The following ITIH5 variants were observed in gnomAD, a reference collection of about 807,000 sequenced individuals.
The protein encoded by ITIH5 is inter-alpha-trypsin inhibitor heavy chain H5.
In ITIH5, 65 loss-of-function variants were observed where a neutral mutation model predicts 77.5. The ratio of observed to expected loss-of-function variants is 0.84; its 90% CI spans 0.69 to 1.03. The LOEUF is 1.03. Ranked by LOEUF, ITIH5 falls within the 50% of genes least tolerant of loss-of-function variation. The probability of loss-of-function intolerance (pLI) is 0.00; values close to 1 mark genes in which losing one functional copy is unlikely to be tolerated. For synonymous variants in ITIH5, 525 were observed against 494.3 expected (o/e 1.06, Z -0.82); for missense variants, 1,208 against 1,213.1 (o/e 1.00, Z 0.06).
intron 7 of ITIH5, among the ~76,000 whole-genome samples, chr10:7,615,389 C>T (rs915652612): frequency 6.6e-6 from 1 of 152,108 alleles, no homozygotes; most frequent in Non-Finnish European, 1.5e-5. Flanking sequence ...TGAAATGTAT[C>T]GTATATGAAA....
intron 9 of ITIH5, among the ~76,000 whole-genome samples, chr10:7,577,661 G>A (rs974375673): frequency 2.0e-5 from 3 of 152,220 alleles, no homozygotes; most frequent in Non-Finnish European, 4.4e-5. Flanking sequence ...TAAGTTGCAT[G>A]GTCGCTTCTT....
intron 5 of ITIH5, among the ~76,000 whole-genome samples, chr10:7,636,548 C>G (rs371553347): frequency 3.9e-5 from 6 of 152,080 alleles, no homozygotes; most frequent in African/African-American, 1.4e-4. Context: ...GTTTTATAAT[C>G]GTAATTTACT....
chr10:7,665,963 G>A (rs183352596), intron 1 of ITIH5, among the ~76,000 whole-genome samples: 1 of 152,122 alleles, frequency 6.6e-6, no homozygotes, highest in African/African-American at 2.4e-5. Context: ...TTCAAAACAG[G>A]GGCTGGAAAA....
At chr10:7,657,068 G>A (rs538565320) in intron 1 of ITIH5, among the ~76,000 whole-genome samples, 35 of 94,724 alleles carry the variant, frequency 3.7e-4, no homozygotes, top group African/African-American at 1.5e-3. Context: ...TTTTTTAGAC[G>A]GAGTCTTGTT....
At chr10:7,582,256 G>A (rs951027819) in intron 8 of ITIH5, among the ~76,000 whole-genome samples, 1 of 152,108 alleles carries the variant, frequency 6.6e-6, no homozygotes, top group Non-Finnish European at 1.5e-5. Flanking sequence ...AAATAAAGTT[G>A]GGGCCTGTGT....
chr10:7,567,701 C>T (rs1175626108), intron 12 of ITIH5, among the ~76,000 whole-genome samples: 1 of 152,030 alleles, frequency 6.6e-6, no homozygotes, highest in Non-Finnish European at 1.5e-5. Flanking sequence ...TCCAAAAACT[C>T]AAGTTCTTCC....
chr10:7,599,553 G>A (rs1832974399), intron 7 of ITIH5, among the ~76,000 whole-genome samples: 1 of 152,096 alleles, frequency 6.6e-6, no homozygotes, highest in Non-Finnish European at 1.5e-5. Context: ...AGGTGTTTTG[G>A]TGTCGGACTC....
chr10:7,658,536 G>A (rs1477374535), intron 1 of ITIH5, among the ~76,000 whole-genome samples: 1 of 152,156 alleles, frequency 6.6e-6, no homozygotes, highest in African/African-American at 2.4e-5. Flanking sequence ...AGAAGATCCA[G>A]AGAATACGTG....
chr10:7,569,533 C>A, intron 12 of ITIH5, 135 bp downstream of exon 12: 1 of 568,546 alleles, frequency 1.8e-6, no homozygotes, highest in East Asian at 2.9e-5. Flanking sequence ...AGTGCGCTTC[C>A]CTTAACCACT....
chr10:7,666,861 A>G lies in ITIH5; in HGVS notation c.32T>C (p.Leu11Pro). The G allele has an allele frequency of 1.2e-6, 2 of 1,603,372 alleles. No individual in the cohort carries two copies. Among genetic ancestry groups the G allele is most frequent in the Non-Finnish European group, 1.7e-6 (2 of 1,176,014 alleles). Residue 11 changes from leucine (L) to proline (P), a missense_variant, in exon 1 of 14, where the codon CTG becomes CCG. Physicochemically the swap from Leu to Pro is moderately conservative, Grantham distance 98 (BLOSUM62 -3). Coordinates refer to ENST00000397146, the MANE Select transcript of ITIH5 (RefSeq NM_030569.7). MLLLLGLCLG[L>P]SLCVGSQEEA... ...TTCCTGCGACCCCACACACAGGGAC[A>G]GCCCCAGGCACAGCCCCAGCAGCAG...
chr10:7,603,792 C>T (rs1225386234), intron 7 of ITIH5, among the ~76,000 whole-genome samples: 2 of 152,104 alleles, frequency 1.3e-5, no homozygotes, highest in African/African-American at 2.4e-5. Flanking sequence ...ACTGTGTTAG[C>T]CAGGATGGTC....
intron 8 of ITIH5, among the ~76,000 whole-genome samples, chr10:7,583,554 G>A (rs1219862670): frequency 1.3e-5 from 2 of 152,102 alleles, no homozygotes; most frequent in South Asian, 2.1e-4. Flanking sequence ...GGCTGGTCTC[G>A]AGCTCCCGAG....
intron 7 of ITIH5, among the ~76,000 whole-genome samples, chr10:7,609,213 C>T (rs902072353): frequency 7.2e-5 from 11 of 152,190 alleles, no homozygotes; most frequent in Admixed American, 6.5e-5. Context: ...AAGAAATGTA[C>T]GTAAAACCCT....
At chr10:7,580,860 A>G (rs1209036694) in intron 8 of ITIH5, among the ~76,000 whole-genome samples, 1 of 152,120 alleles carries the variant, frequency 6.6e-6, no homozygotes, top group Non-Finnish European at 1.5e-5. Context: ...GTCCCTTCAG[A>G]TCACCTCTGC....
chr10:7,631,041 GAA>G (rs34594958), intron 5 of ITIH5, among the ~76,000 whole-genome samples: 198 of 145,034 alleles, frequency 1.4e-3, no homozygotes, highest in East Asian at 0.012. Flanking sequence ...AGCAGCCCAG[GAA>G]AAAAAAAAAA....
intron 7 of ITIH5, among the ~76,000 whole-genome samples, chr10:7,603,567 G>GCTGATAA (rs1204214562): frequency 5.9e-5 from 9 of 152,212 alleles, no homozygotes; most frequent in African/African-American, 2.2e-4. Context: ...TCTCAACAAC[G>GCTGATAA]CTGATACGGT....
chr10:7,580,126 C>T (rs999490633), intron 8 of ITIH5, 62 bp from the exon 9 acceptor site: 2 of 1,393,398 alleles, frequency 1.4e-6, no homozygotes, highest in Non-Finnish European at 1.9e-6. Flanking sequence ...TCTGATTGCA[C>T]TTTCTTTTTT....
intron 7 of ITIH5, among the ~76,000 whole-genome samples, chr10:7,605,521 C>G (rs998533861): frequency 1.0e-5 from 1 of 99,128 alleles, no homozygotes; most frequent in Non-Finnish European, 2.0e-5. Context: ...CTCTGTGTCC[C>G]CCATACCTAG....
At chr10:7,630,108 A>G (rs2131062493) in intron 5 of ITIH5, among the ~76,000 whole-genome samples, 1 of 152,316 alleles carries the variant, frequency 6.6e-6, no homozygotes, top group East Asian at 1.9e-4. Context: ...CTGCCACTCA[A>G]CAGGTGTAGT....
Sources: gnomAD v4.1 joint callset for allele counts (sites outside exome capture counted in the v4.1 genomes callset) on GRCh38, gnomAD v4.1.1 for gene constraint, MANE v1.5 for transcripts, NCBI Gene and HGNC (gene_info 2026-07-23, HGNC 2026-07-21) for gene names.